Variants in CNPY1 observed in about 807,000 individuals in gnomAD.
The protein encoded by CNPY1 is protein canopy homolog 1.
CNPY1 carries 14 observed loss-of-function variants against 14.4 expected under a neutral mutation model. The observed-to-expected ratio is 0.97, with a 90% CI of 0.64 to 1.52. The LOEUF (loss-of-function observed/expected upper bound fraction) is 1.52. CNPY1 is among the 40% of genes most tolerant of loss of function. CNPY1 has a pLI of 0.00. For missense variants in CNPY1, 129 were observed against 131.5 expected, an observed-to-expected ratio of 0.98 and a Z score of 0.09; for synonymous variants, 43 against 46.5, an observed-to-expected ratio of 0.92 and a Z score of 0.31.
At chr7:155,513,069 T>A (rs996448299) in intron 2 of CNPY1, among the ~76,000 whole-genome samples, 10 of 152,230 alleles carry the variant, frequency 6.6e-5, no homozygotes, top group Non-Finnish European at 1.5e-4. Context: ...TCAGAAACTC[T>A]TGTAAGCTGA....
intron 2 of CNPY1, among the ~76,000 whole-genome samples, chr7:155,539,095 C>T (rs1045099665): frequency 1.3e-5 from 2 of 152,040 alleles, no homozygotes; most frequent in East Asian, 1.9e-4. Flanking sequence ...CCATAGAAAG[C>T]GTAGGCCGCT....
chr7:155,544,951 G>C (rs1396565925), intron 2 of CNPY1, among the ~76,000 whole-genome samples: 2 of 152,186 alleles, frequency 1.3e-5, no homozygotes, highest in East Asian at 3.8e-4. Context: ...TGTAAGGGCT[G>C]CCTGTCACAG....
At chr7:155,503,718 C>T (rs1050120290) in intron 4 of CNPY1, among the ~76,000 whole-genome samples, 2 of 152,180 alleles carry the variant, frequency 1.3e-5, no homozygotes, top group African/African-American at 4.8e-5. Context: ...TTGATCTCAT[C>T]TTCATACGCT....
chr7:155,537,421 TTTC>T (rs1233037407), intron 2 of CNPY1, among the ~76,000 whole-genome samples: 43 of 150,298 alleles, frequency 2.9e-4, no homozygotes, highest in Non-Finnish European at 4.9e-4. Context: ...TTTTTTTTCT[TTTC>T]TTTTTTTTTT....
chr7:155,512,387 T>A (rs532813685), intron 2 of CNPY1, among the ~76,000 whole-genome samples: 6 of 152,292 alleles, frequency 3.9e-5, no homozygotes, highest in African/African-American at 1.2e-4. Context: ...CACCTATAAC[T>A]CTTAATCATA....
At chr7:155,512,014 G>A (rs1033861655) in intron 2 of CNPY1, among the ~76,000 whole-genome samples, 5 of 152,068 alleles carry the variant, frequency 3.3e-5, no homozygotes, top group African/African-American at 1.2e-4. Flanking sequence ...CCCTCAAAGT[G>A]TTTTGATTAT....
At chr7:155,506,792 T>C (rs952195295) in intron 4 of CNPY1, 8 of 496,136 alleles carry the variant, frequency 1.6e-5, no homozygotes, top group African/African-American at 1.4e-4. Context: ...TCACTTAATA[T>C]ATAGAGGAAA....
chr7:155,544,514 A>G (rs1797136274), intron 2 of CNPY1, among the ~76,000 whole-genome samples: 3 of 152,228 alleles, frequency 2.0e-5, no homozygotes, highest in Admixed American at 2.0e-4. Context: ...CTTCAAAGCT[A>G]TGCTGGCTGG....
chr7:155,514,905 G>A (rs1375891574), intron 2 of CNPY1, among the ~76,000 whole-genome samples: 1 of 148,876 alleles, frequency 6.7e-6, no homozygotes, highest in African/African-American at 2.6e-5. Flanking sequence ...AAAAAATAAA[G>A]TAAAATAAAA....
intron 2 of CNPY1, among the ~76,000 whole-genome samples, chr7:155,515,485 C>T (rs1212718622): frequency 6.6e-6 from 1 of 152,158 alleles, no homozygotes; most frequent in Non-Finnish European, 1.5e-5. Context: ...CACGATTCAC[C>T]TCCCCCACCC....
chr7:155,541,277 G>A (rs539634816), intron 2 of CNPY1, among the ~76,000 whole-genome samples: 2 of 152,316 alleles, frequency 1.3e-5, no homozygotes, highest in South Asian at 2.1e-4. Flanking sequence ...CGAGCAAGAC[G>A]TGGCACGTGA....
chr7:155,511,898 A>G (rs1338889838), intron 2 of CNPY1, among the ~76,000 whole-genome samples: 3 of 152,216 alleles, frequency 2.0e-5, no homozygotes, highest in African/African-American at 7.2e-5. Flanking sequence ...AGCTCTTTAT[A>G]CATTTATTCA....
At chr7:155,518,099 C>T (rs1180985460) in intron 2 of CNPY1, among the ~76,000 whole-genome samples, 3 of 152,162 alleles carry the variant, frequency 2.0e-5, no homozygotes, top group East Asian at 1.9e-4. Flanking sequence ...CTCTCTCTGC[C>T]GAAACCCTTC....
chr7:155,544,195 G>A (rs149417253), intron 2 of CNPY1, among the ~76,000 whole-genome samples: 5 of 152,348 alleles, frequency 3.3e-5, no homozygotes, highest in Admixed American at 6.5e-5. Flanking sequence ...CCCTCCATCC[G>A]CTGTGGGAGC....
At chr7:155,544,377 C>A (rs543543154) in intron 2 of CNPY1, among the ~76,000 whole-genome samples, 1 of 152,214 alleles carries the variant, frequency 6.6e-6, no homozygotes, top group Non-Finnish European at 1.5e-5. Flanking sequence ...CAGGGCTCTG[C>A]GGTCATTTCC....
chr7:155,535,110 AAAAC>A (rs1050112871), intron 2 of CNPY1, among the ~76,000 whole-genome samples: 6 of 152,222 alleles, frequency 3.9e-5, no homozygotes, highest in African/African-American at 1.2e-4. Flanking sequence ...GCTCCGCTCA[AAAAC>A]AAACAAGTGG....
intron 4 of CNPY1, among the ~76,000 whole-genome samples, chr7:155,503,657 A>G (rs1796196624): frequency 6.6e-6 from 1 of 152,230 alleles, no homozygotes; most frequent in South Asian, 2.1e-4. Context: ...AAGTCTACAT[A>G]AAAAGGGAAA....
intron 2 of CNPY1, among the ~76,000 whole-genome samples, chr7:155,524,332 G>A (rs1422853967): frequency 6.6e-6 from 1 of 152,222 alleles, no homozygotes; most frequent in African/African-American, 2.4e-5. Context: ...TAAGGCAGGG[G>A]TCCTCAACCC....
chr7:155,529,792 T>C lies in CNPY1; in HGVS notation c.99+16039A>G, dbSNP rs558709596. Among the ~76,000 whole-genome samples, 3 of 151,936 alleles carry C rather than the reference T, an allele frequency of 2.0e-5. No homozygotes were observed. In the South Asian group the frequency reaches 6.2e-4, roughly 32 times the overall value. ...GTTTCTTTTCTTTTTTTTTTTTCTT[T>C]AATTTTTTGAGACAGAGTCTCACTC... is the stretch of plus-strand genomic sequence containing the variant. On this transcript the variant is annotated intron_variant, in intron 2 of 4. Coordinates refer to ENST00000636446, the MANE Select transcript of CNPY1 (RefSeq NM_001393663.1).
Sources: gnomAD v4.1 joint callset for allele counts (sites outside exome capture counted in the v4.1 genomes callset) on GRCh38, gnomAD v4.1.1 for gene constraint, MANE v1.5 for transcripts, NCBI Gene and HGNC (gene_info 2026-07-23, HGNC 2026-07-21) for gene names.